Variants in TOX2 observed in about 807,000 individuals in gnomAD.
The protein encoded by TOX2 is granulosa cell HMG box 1.
Under a neutral mutation model 47.4 loss-of-function variants are expected in TOX2, and 15 were observed. The ratio of observed to expected loss-of-function variants is 0.32; its 90% CI spans 0.21 to 0.49. TOX2 has a LOEUF of 0.49. Among genes scored for constraint, TOX2 ranks in the 20% least tolerant of loss-of-function variants. The pLI, the probability that TOX2 is intolerant of heterozygous loss-of-function variation, is 0.99. For synonymous variants in TOX2, 290 were observed against 296.6 expected, an observed-to-expected ratio of 0.98 and a Z score of 0.23; for missense variants, 622 against 673.1, an observed-to-expected ratio of 0.92 and a Z score of 0.84.
intron 3 of TOX2, among the ~76,000 whole-genome samples, chr20:44,040,833 A>C (rs527331544): frequency 6.6e-6 from 1 of 152,290 alleles, no homozygotes; most frequent in African/African-American, 2.4e-5. Context: ...TTCTTTGCAC[A>C]GTTGGCTGCA....
At chr20:43,989,597 T>G (rs1295615724) in intron 2 of TOX2, among the ~76,000 whole-genome samples, 4 of 152,006 alleles carry the variant, frequency 2.6e-5, no homozygotes, top group African/African-American at 9.7e-5. Flanking sequence ...CTGGCCAACA[T>G]GGAGAAACTC....
At chr20:43,933,685 C>A (rs975913290) in intron 1 of TOX2, among the ~76,000 whole-genome samples, 1 of 152,176 alleles carries the variant, frequency 6.6e-6, no homozygotes, top group Admixed American at 6.5e-5. Context: ...GTTGCCTCTG[C>A]AGCCCACATG....
chr20:43,957,250 G>T (rs1036315071), intron 1 of TOX2, among the ~76,000 whole-genome samples: 2 of 152,178 alleles, frequency 1.3e-5, no homozygotes, highest in African/African-American at 4.8e-5. Flanking sequence ...CTTGCAGTGG[G>T]TATCTAGTTC....
intron 2 of TOX2, among the ~76,000 whole-genome samples, chr20:43,984,932 C>T (rs989926919): frequency 6.6e-6 from 1 of 152,174 alleles, no homozygotes; most frequent in Non-Finnish European, 1.5e-5. Flanking sequence ...CCACCTCGAA[C>T]TTAGCATCCC....
At chr20:44,051,597 A>G in intron 4 of TOX2, 52 bp downstream of exon 4, 1 of 1,525,858 alleles carries the variant, frequency 6.6e-7, no homozygotes, top group Non-Finnish European at 8.8e-7. Context: ...TCGGCAGGGA[A>G]GGGGTCCTGT....
intron 1 of TOX2, among the ~76,000 whole-genome samples, chr20:43,967,819 G>A (rs1282934871): frequency 6.6e-6 from 1 of 152,060 alleles, no homozygotes; most frequent in Non-Finnish European, 1.5e-5. Flanking sequence ...TTTTTAAACA[G>A]TGGCTACTAC....
At chr20:44,013,477 T>C (rs1204929079) in intron 3 of TOX2, among the ~76,000 whole-genome samples, 1 of 152,222 alleles carries the variant, frequency 6.6e-6, no homozygotes, top group African/African-American at 2.4e-5. Flanking sequence ...TCTGGTCTTC[T>C]GAAACACAGG....
chr20:43,914,907 T>C lies in TOX2; in HGVS notation c.16T>C (p.Tyr6His). 8.9e-7 allele frequency: 1 copy of C among 1,129,708 alleles called. No homozygotes were observed. Among genetic ancestry groups the C allele is most frequent in the Non-Finnish European group, 1.1e-6 (1 of 925,990 alleles). The allele number at this position is 1,129,708 out of a possible 1,614,324, so 70.0% of individuals were successfully genotyped here. ...CGCGCCCGCCATGGACGTCCGCCTG[T>C]ACCCCTCGGCGCCCGCGGTGGGCGC... MDVRL[Y>H]PSAPAVGARP... is the part of the protein sequence containing the mutation. Residue 6 changes from tyrosine to histidine, a missense_variant, in exon 1 of 9, where the codon TAC (tyrosine) becomes CAC (histidine). By Grantham distance (83) the Tyr-to-His change is moderately conservative. Transcript: ENST00000341197. This position sits in a 1 kb window ranked among gnomAD's most constrained non-coding sequence, Gnocchi z 4.5.
chr20:44,014,608 C>T (rs1400166517), intron 3 of TOX2, among the ~76,000 whole-genome samples: 1 of 152,222 alleles, frequency 6.6e-6, no homozygotes, highest in African/African-American at 2.4e-5. Flanking sequence ...TTGATCCTCC[C>T]TGAGCCTCAG....
intron 2 of TOX2, among the ~76,000 whole-genome samples, chr20:43,993,448 G>T (rs2145557870): frequency 6.6e-6 from 1 of 152,220 alleles, no homozygotes; most frequent in South Asian, 2.1e-4. Flanking sequence ...AGGACTTTGT[G>T]ATTGATTGGA....
At chr20:44,040,984 C>T (rs1166898709) in intron 3 of TOX2, among the ~76,000 whole-genome samples, 2 of 152,090 alleles carry the variant, frequency 1.3e-5, no homozygotes, top group East Asian at 3.9e-4. Context: ...GAGGTGGGGG[C>T]TGTCTAGAAG....
At chr20:43,969,680 T>A (rs2069928173) in intron 1 of TOX2, among the ~76,000 whole-genome samples, 1 of 152,228 alleles carries the variant, frequency 6.6e-6, no homozygotes, top group Non-Finnish European at 1.5e-5. Flanking sequence ...CTCTGCTCAC[T>A]GCTGCTCCGC....
intron 2 of TOX2, among the ~76,000 whole-genome samples, chr20:43,985,687 G>A (rs2070251306): frequency 6.6e-6 from 1 of 152,112 alleles, no homozygotes; most frequent in African/African-American, 2.4e-5. Flanking sequence ...AGGTAAAATG[G>A]GACAGGTACA....
At chr20:44,011,652 G>A (rs1201599601) in intron 3 of TOX2, among the ~76,000 whole-genome samples, 1 of 152,268 alleles carries the variant, frequency 6.6e-6, no homozygotes, top group Non-Finnish European at 1.5e-5. Context: ...GGGCTGCAGG[G>A]CCACAGGTGG....
rs2071886407 is a variant in TOX2 at position 44,068,901 on chromosome 20, A to T, written c.*215A>T. On this transcript the variant is annotated 3_prime_UTR_variant, in exon 9 of 9. Coordinates refer to ENST00000341197, the MANE Select transcript of TOX2 (RefSeq NM_001098797.2). Reference sequence around the variant, plus strand: ...ACCACCAGCCCAAAGAACCTGCAGGAACCTTCCGCCCGCTGACCTGCTTGC... The same window carrying T: ...ACCACCAGCCCAAAGAACCTGCAGGTACCTTCCGCCCGCTGACCTGCTTGC... 1.4e-6 allele frequency: 1 copy of T among 721,716 alleles called. No homozygotes were observed. The highest frequency in any genetic ancestry group is 2.0e-5 in the Admixed American group (1 of 49,248). 44.7% of individuals were successfully genotyped at this position (721,716 alleles called of 1,614,324 possible).
At position 43,955,352 on chromosome 20, in the gene TOX2, C is replaced by T. The variant is rs951018373; in HGVS notation, c.100-18015C>T. On this transcript the variant is annotated intron_variant, in intron 1 of 8. Coordinates refer to ENST00000341197, the MANE Select transcript of TOX2 (RefSeq NM_001098797.2). ...GGCAGCCATCGCAGAGCCTGAAACC[C>T]GTTGTTTCCCCTTGGCTGGCTTCTG... 7.2e-6 allele frequency: 7 copies of T among 965,902 alleles called. No individual in the cohort carries two copies. In the East Asian group the frequency reaches 3.4e-4, roughly 48 times the overall value. 59.8% of individuals were successfully genotyped at this position (965,902 alleles called of 1,614,324 possible). A position where few individuals can be genotyped will look rare whatever the true frequency, so the allele number is the denominator to read the frequency against.
At position 43,916,627 on chromosome 20, in the gene TOX2, T is replaced by C. The variant is rs2069058422; in HGVS notation, c.99+1637T>C. 6.6e-6 allele frequency among the ~76,000 whole-genome samples: 1 copy of C among 152,210 alleles called. No homozygotes were observed. Among genetic ancestry groups the C allele is most frequent in the Non-Finnish European group, 1.5e-5 (1 of 68,020 alleles). On this transcript the variant is annotated intron_variant, in intron 1 of 8. Coordinates refer to ENST00000341197, the MANE Select transcript of TOX2 (RefSeq NM_001098797.2). This position sits in a 1 kb window ranked among gnomAD's most constrained non-coding sequence, Gnocchi z 5.0. ...AGATTAAAAGTAGCAAGTGGAGTTTTCAGGGAGGAGAAGGTTGGGTGTGGG... is the reference window on the plus strand; with the variant it reads ...AGATTAAAAGTAGCAAGTGGAGTTTCCAGGGAGGAGAAGGTTGGGTGTGGG...
In TOX2 at chr20:43,946,729, G is replaced by T. The variant is rs148464389; in HGVS notation, c.100-26638G>T. Reference sequence around the variant, plus strand: ...AAGGGGACACACATGCCCTTAATAGGTGGCAGAGATTTCAAATGCAGAAAC... The same window carrying T: ...AAGGGGACACACATGCCCTTAATAGTTGGCAGAGATTTCAAATGCAGAAAC... On this transcript the variant is annotated intron_variant, in intron 1 of 8. Coordinates refer to ENST00000341197, the MANE Select transcript of TOX2 (RefSeq NM_001098797.2). 2.1e-3 allele frequency among the ~76,000 whole-genome samples: 314 copies of T among 152,276 alleles called. 1 individual carries two copies. Among genetic ancestry groups the T allele is most frequent in the African/African-American group, 7.1e-3 (296 of 41,554 alleles).
intron 1 of TOX2, chr20:43,946,113 T>A: frequency 6.3e-7 from 1 of 1,582,498 alleles, no homozygotes; most frequent in Non-Finnish European, 8.6e-7. Flanking sequence ...ATAGGTGATG[T>A]CTGGATGGGG....
Sources: gnomAD v4.1 joint callset for allele counts (sites outside exome capture counted in the v4.1 genomes callset) on GRCh38, gnomAD v4.1.1 for gene constraint, Gnocchi (gnomAD v3.1) non-coding constraint, MANE v1.5 for transcripts, NCBI Gene and HGNC (gene_info 2026-07-23, HGNC 2026-07-21) for gene names.